Variants in OSBPL8 observed in about 807,000 individuals in gnomAD.
The protein encoded by OSBPL8 is oxysterol-binding protein-related protein 8.
In OSBPL8, 59 loss-of-function variants were observed where a neutral mutation model predicts 125.5. The ratio of observed to expected loss-of-function variants is 0.47; its 90% CI spans 0.38 to 0.58. The LOEUF (loss-of-function observed/expected upper bound fraction) is 0.58. OSBPL8 is among the 20% of genes least tolerant of loss of function. OSBPL8 has a pLI of 0.00. For synonymous variants in OSBPL8, 330 were observed against 338.9 expected (o/e 0.97, Z 0.29); for missense variants, 758 against 1,047.8 (o/e 0.72, Z 3.82).
intron 12 of OSBPL8, among the ~76,000 whole-genome samples, chr12:76,387,508 T>C (rs1224970438): frequency 6.6e-6 from 1 of 152,218 alleles, no homozygotes; most frequent in African/African-American, 2.4e-5. Context: ...CTGCCCTCCA[T>C]ACAATTCTGC....
At chr12:76,437,960 ATAAAT>A (rs1427828501) in intron 4 of OSBPL8, among the ~76,000 whole-genome samples, 1 of 152,146 alleles carries the variant, frequency 6.6e-6, no homozygotes, top group Non-Finnish European at 1.5e-5. Context: ...TGCAGTTAAC[ATAAAT>A]TAAGTAAAAC....
intron 1 of OSBPL8, among the ~76,000 whole-genome samples, chr12:76,551,275 C>A (rs1950928798): frequency 6.6e-6 from 1 of 152,202 alleles, no homozygotes; most frequent in Admixed American, 6.5e-5. Flanking sequence ...CTTTCAGATT[C>A]ACTCATTCAC....
chr12:76,467,641 G>A (rs1875618741), intron 2 of OSBPL8, among the ~76,000 whole-genome samples: 1 of 151,700 alleles, frequency 6.6e-6, no homozygotes, highest in African/African-American at 2.4e-5. Context: ...TGCCTCTATG[G>A]TGCCTATTTC....
chr12:76,431,181 T>C (rs1320257390), intron 4 of OSBPL8, among the ~76,000 whole-genome samples: 3 of 151,720 alleles, frequency 2.0e-5, no homozygotes, highest in African/African-American at 4.8e-5. Flanking sequence ...TAGCTTAAAA[T>C]AGACTGCTAT....
At chr12:76,543,877 A>C (rs1280599192) in intron 1 of OSBPL8, among the ~76,000 whole-genome samples, 2 of 152,226 alleles carry the variant, frequency 1.3e-5, no homozygotes, top group African/African-American at 4.8e-5. Context: ...CACAAATTAC[A>C]TAATAAATAT....
intron 4 of OSBPL8, among the ~76,000 whole-genome samples, chr12:76,430,582 T>C (rs1870689112): frequency 6.6e-6 from 1 of 152,148 alleles, no homozygotes; most frequent in Non-Finnish European, 1.5e-5. Context: ...TCACAAATAA[T>C]TCAAAATGAT....
At position 76,487,503 on chromosome 12, in the gene OSBPL8, T is replaced by TGAG. The variant is rs747237437; in HGVS notation, c.42+6_42+7insCTC. 1 of 1,598,182 alleles carries TGAG rather than the reference T, an allele frequency of 6.3e-7. No individual in the cohort carries two copies. Among genetic ancestry groups the TGAG allele is most frequent in the South Asian group, 1.1e-5 (1 of 88,472 alleles). On this transcript the variant is annotated splice_region_variant and intron_variant, in intron 2 of 23. Coordinates refer to ENST00000261183, the MANE Select transcript of OSBPL8 (RefSeq NM_020841.5). ...GATAGAACCTATGTCATATATGAAC[T>TGAG]ACTCACCGAAGTTCGATCAGGTTCT...
At chr12:76,449,616 G>A (rs981241079) in intron 4 of OSBPL8, among the ~76,000 whole-genome samples, 1 of 152,056 alleles carries the variant, frequency 6.6e-6, no homozygotes, top group African/African-American at 2.4e-5. Flanking sequence ...CCTTGATGAA[G>A]AAGTAAAAAT....
chr12:76,512,273 C>A (rs1881079288), intron 1 of OSBPL8, among the ~76,000 whole-genome samples: 2 of 152,220 alleles, frequency 1.3e-5, no homozygotes, highest in African/African-American at 2.4e-5. Flanking sequence ...GAGCCTCCAG[C>A]TCCACCCATG....
At chr12:76,451,351 T>A (rs1349173246) in intron 3 of OSBPL8, among the ~76,000 whole-genome samples, 1 of 150,822 alleles carries the variant, frequency 6.6e-6, no homozygotes, top group African/African-American at 2.4e-5. Flanking sequence ...AAAAAAAAAA[T>A]ACAAATCGTC....
intron 4 of OSBPL8, among the ~76,000 whole-genome samples, chr12:76,436,743 T>C (rs1871503115): frequency 6.6e-6 from 1 of 152,048 alleles, no homozygotes; most frequent in Admixed American, 6.6e-5. Flanking sequence ...AACTATACCT[T>C]TGAAAAGAAA....
At chr12:76,356,162 T>TGGGGGGGGGGGGTGTTAGGGGGGGG in intron 23 of OSBPL8, 141 bp from the exon 24 acceptor site, 1 of 131,834 alleles carries the variant, frequency 7.6e-6, no homozygotes, top group Non-Finnish European at 1.6e-5. Context: ...TATGTAGGGG[T>TGGGGGGGGGGGGTGTTAGGGGGGGG]GGGGGGGGGC....
At chr12:76,477,538 G>C (rs1297982633) in intron 2 of OSBPL8, among the ~76,000 whole-genome samples, 5 of 151,886 alleles carry the variant, frequency 3.3e-5, no homozygotes, top group Non-Finnish European at 7.4e-5. Context: ...AAACAGTCAA[G>C]GTTCATTCAA....
At chr12:76,390,270 C>T in intron 11 of OSBPL8, 150 bp downstream of exon 11, 2 of 594,750 alleles carry the variant, frequency 3.4e-6, no homozygotes, top group Non-Finnish European at 5.9e-6. Context: ...TTTGTAAATC[C>T]CAATATATTT....
intron 1 of OSBPL8, among the ~76,000 whole-genome samples, chr12:76,526,635 C>CTTTTTTTTTTTTTT (rs573409160): frequency 1.6e-5 from 1 of 64,264 alleles, no homozygotes; most frequent in Non-Finnish European, 2.9e-5. Flanking sequence ...CAGTAAATCT[C>CTTTTTTTTTTTTTT]TTTTTTTTTT....
At chr12:76,494,836 G>A (rs1261052958) in intron 1 of OSBPL8, among the ~76,000 whole-genome samples, 1 of 152,288 alleles carries the variant, frequency 6.6e-6, no homozygotes, top group East Asian at 1.9e-4. Flanking sequence ...GCAGTTGGAT[G>A]TAAGAGTTTG....
At chr12:76,513,562 C>T (rs894488220) in intron 1 of OSBPL8, among the ~76,000 whole-genome samples, 1 of 152,036 alleles carries the variant, frequency 6.6e-6, no homozygotes. Flanking sequence ...GAGTTTACAT[C>T]TTTTTGTAGA....
chr12:76,537,965 G>C (rs1031924124), intron 1 of OSBPL8: 1 of 152,066 alleles, frequency 6.6e-6, no homozygotes, highest in African/African-American at 2.4e-5. Flanking sequence ...ACCTTTAAAC[G>C]CAGTAGCACC....
At chr12:76,475,042 C>G (rs953091439) in intron 2 of OSBPL8, among the ~76,000 whole-genome samples, 1 of 152,160 alleles carries the variant, frequency 6.6e-6, no homozygotes, top group Non-Finnish European at 1.5e-5. Context: ...GACTTTTAAC[C>G]AAATTTTATC....
Sources: allele counts gnomAD v4.1 joint callset (sites outside exome capture counted in the v4.1 genomes callset), GRCh38; gene constraint gnomAD v4.1.1; transcripts MANE v1.5; gene names NCBI Gene and HGNC (gene_info 2026-07-23, HGNC 2026-07-21).